The following ROBO1 variants were observed in gnomAD, a reference collection of about 807,000 sequenced individuals.
ROBO1 encodes roundabout guidance receptor 1.
In ROBO1, 149 loss-of-function variants were observed where a neutral mutation model predicts 195.9. That is an observed-to-expected ratio of 0.76 (90% CI 0.67 to 0.87). The LOEUF (loss-of-function observed/expected upper bound fraction) is 0.87. ROBO1 is among the 40% of genes least tolerant of loss of function. The pLI, the probability that ROBO1 is intolerant of heterozygous loss-of-function variation, is 0.00. For synonymous variants in ROBO1, 816 were observed against 733.2 expected (o/e 1.11, Z -1.82); for missense variants, 1,933 against 2,068.3 (o/e 0.93, Z 1.27).
At chr3:79,074,524 T>A (rs1466479931) in intron 3 of ROBO1, among the ~76,000 whole-genome samples, 1 of 151,736 alleles carries the variant, frequency 6.6e-6, no homozygotes, top group African/African-American at 2.4e-5. Context: ...GCTTAAGTGA[T>A]CCTCCCACCT....
In ROBO1 at chr3:79,372,899, T is replaced by TA. The variant is rs1221188614; in HGVS notation, c.88+216924dup. Among the ~76,000 whole-genome samples the TA allele has an allele frequency of 4.6e-5, 7 of 151,886 alleles. No homozygotes were observed. The South Asian group carries it at 1.2e-3, about 27-fold the overall frequency. On this transcript the variant is annotated intron_variant, in intron 2 of 30. Transcript: ENST00000464233. The stretch of plus-strand genomic sequence containing the variant: ...TTGTAAAAACTAGTATTTTTTTTTT[T>TA]ATCTTCTTTTACATTTTTTATTTTA...
intron 2 of ROBO1, among the ~76,000 whole-genome samples, chr3:79,146,977 A>G (rs2080666009): frequency 6.6e-6 from 1 of 151,960 alleles, no homozygotes; most frequent in African/African-American, 2.4e-5. Context: ...GTAGGAAGAA[A>G]TACTGAAATT....
At chr3:79,507,562 CT>C (rs1349667960) in intron 2 of ROBO1, among the ~76,000 whole-genome samples, 3 of 152,066 alleles carry the variant, frequency 2.0e-5, no homozygotes, top group East Asian at 1.9e-4. Context: ...CTTCTATGCA[CT>C]TTGCCATTTT....
At chr3:79,625,922 C>T (rs1280876113) in intron 1 of ROBO1, among the ~76,000 whole-genome samples, 1 of 152,110 alleles carries the variant, frequency 6.6e-6, no homozygotes, top group African/African-American at 2.4e-5. Flanking sequence ...AGACTTCAGG[C>T]CAATATCCTG....
chr3:79,508,678 G>A (rs1010255520), intron 2 of ROBO1, among the ~76,000 whole-genome samples: 1 of 152,140 alleles, frequency 6.6e-6, no homozygotes, highest in African/African-American at 2.4e-5. Flanking sequence ...AAAACAGAAT[G>A]CAGGATCTGG....
chr3:79,655,498 G>T (rs1206227577), intron 1 of ROBO1, among the ~76,000 whole-genome samples: 1 of 152,064 alleles, frequency 6.6e-6, no homozygotes, highest in Non-Finnish European at 1.5e-5. Flanking sequence ...TTGGAGTATA[G>T]TTATCAAATC....
chr3:79,201,939 A>C (rs1024526720), intron 2 of ROBO1, among the ~76,000 whole-genome samples: 4 of 150,570 alleles, frequency 2.7e-5, no homozygotes, highest in Admixed American at 1.3e-4. Flanking sequence ...TTTATATAAT[A>C]ATTGTGAAAC....
chr3:79,416,217 T>C (rs907839503), intron 2 of ROBO1, among the ~76,000 whole-genome samples: 2 of 152,018 alleles, frequency 1.3e-5, no homozygotes, highest in African/African-American at 4.8e-5. Flanking sequence ...AGTTGTTAAC[T>C]AGAAAACTAG....
At chr3:79,425,804 C>T (rs1003758198) in intron 2 of ROBO1, among the ~76,000 whole-genome samples, 7 of 151,980 alleles carry the variant, frequency 4.6e-5, no homozygotes, top group African/African-American at 1.4e-4. Context: ...GTGACCATTT[C>T]CCTAGCTACA....
At chr3:79,333,064 G>T (rs537395225) in intron 2 of ROBO1, among the ~76,000 whole-genome samples, 13 of 151,910 alleles carry the variant, frequency 8.6e-5, no homozygotes, top group South Asian at 2.1e-4. Context: ...TTAGCCAGGG[G>T]GGGTAGCATG....
At chr3:78,993,721 A>G (rs190782460) in intron 3 of ROBO1, among the ~76,000 whole-genome samples, 10 of 152,256 alleles carry the variant, frequency 6.6e-5, no homozygotes, top group Admixed American at 5.9e-4. Context: ...TACTTTGCCC[A>G]TAATTGTTAA....
intron 3 of ROBO1, among the ~76,000 whole-genome samples, chr3:79,120,731 A>C (rs2080101573): frequency 2.0e-5 from 3 of 152,164 alleles, no homozygotes; most frequent in African/African-American, 7.2e-5. Context: ...ATGTTAAAAA[A>C]ATGCAACTAT....
chr3:79,034,234 A>C (rs1163168241), intron 3 of ROBO1, among the ~76,000 whole-genome samples: 1 of 152,208 alleles, frequency 6.6e-6, no homozygotes, highest in Non-Finnish European at 1.5e-5. Context: ...GTTTAAAAAG[A>C]TGCCCTTTGC....
chr3:78,856,073 C>CA (rs2034406926), intron 4 of ROBO1, among the ~76,000 whole-genome samples: 1 of 149,782 alleles, frequency 6.7e-6, no homozygotes, highest in African/African-American at 2.5e-5. Context: ...TTTCAAGCTT[C>CA]AGAGTAACAA....
At chr3:79,617,122 C>G (rs1176980390) in intron 1 of ROBO1, among the ~76,000 whole-genome samples, 1 of 152,118 alleles carries the variant, frequency 6.6e-6, no homozygotes, top group African/African-American at 2.4e-5. Flanking sequence ...GGACAAGGAA[C>G]TAGTGTATCC....
intron 5 of ROBO1, among the ~76,000 whole-genome samples, chr3:78,727,397 C>T (rs182860923): frequency 2.0e-5 from 3 of 152,074 alleles, no homozygotes; most frequent in Non-Finnish European, 2.9e-5. Flanking sequence ...GAGGCCGAGG[C>T]GGGCGGATCA....
At chr3:78,924,757 C>T (rs576886159) in intron 4 of ROBO1, among the ~76,000 whole-genome samples, 1 of 152,202 alleles carries the variant, frequency 6.6e-6, no homozygotes, top group East Asian at 1.9e-4. Context: ...AGGAAGCAAG[C>T]TGCAATGGCA....
At chr3:78,945,577 G>A (rs1041832608) in intron 3 of ROBO1, among the ~76,000 whole-genome samples, 4 of 151,966 alleles carry the variant, frequency 2.6e-5, no homozygotes, top group African/African-American at 7.3e-5. Flanking sequence ...AAAAAAACAG[G>A]GCAGAAAAAC....
At chr3:79,352,325 T>C (rs1003235890) in intron 2 of ROBO1, among the ~76,000 whole-genome samples, 4 of 152,198 alleles carry the variant, frequency 2.6e-5, no homozygotes, top group African/African-American at 7.2e-5. Context: ...AAAATGCATA[T>C]AGACTCACAA....
Sources: gnomAD v4.1 joint callset for allele counts (sites outside exome capture counted in the v4.1 genomes callset) on GRCh38, gnomAD v4.1.1 for gene constraint, MANE v1.5 for transcripts, NCBI Gene and HGNC (gene_info 2026-07-23, HGNC 2026-07-21) for gene names.